ACOXL: variants seen among roughly 807,000 people sequenced by gnomAD.
ACOXL encodes the protein acyl-CoA oxidase like.
Under a neutral mutation model 71.9 loss-of-function variants are expected in ACOXL, and 70 were observed. That is an observed-to-expected ratio of 0.97 (90% CI 0.80 to 1.19). The LOEUF (loss-of-function observed/expected upper bound fraction) is 1.19, where lower values mean the gene tolerates loss of function less well. Ranked by LOEUF, ACOXL falls within the 50% of genes most tolerant of loss-of-function variation. The pLI is 0.00. For missense variants in ACOXL, 703 were observed against 736.3 expected (o/e 0.95, Z 0.52); for synonymous variants, 253 against 281.6 (o/e 0.90, Z 1.02).
chr2:110,950,387 A>G lies in ACOXL; in HGVS notation c.1059+16745A>G, dbSNP rs1013372849. On this transcript the variant is annotated intron_variant, in intron 12 of 17. Coordinates refer to ENST00000439055, the MANE Select transcript of ACOXL (RefSeq NM_001142807.4). ...AAAAGAGAGATTGCTAAAATGACCC[A>G]GGGATAATCCATTTTATTTGGCAAC... 3.3e-5 allele frequency among the ~76,000 whole-genome samples: 5 copies of G among 152,234 alleles called. No homozygotes were observed. The South Asian group carries it at 1.0e-3, about 31-fold the overall frequency.
At chr2:111,005,633 C>T (rs190412207) in intron 14 of ACOXL, among the ~76,000 whole-genome samples, 5 of 152,240 alleles carry the variant, frequency 3.3e-5, no homozygotes, top group East Asian at 3.9e-4. Flanking sequence ...AGTTTTAGAC[C>T]GACAGTGTCT....
chr2:110,873,099 A>G (rs1695468338), intron 10 of ACOXL, among the ~76,000 whole-genome samples: 1 of 152,232 alleles, frequency 6.6e-6, no homozygotes, highest in Admixed American at 6.5e-5. Context: ...CCGTCACACA[A>G]AAACCCCAGG....
In ACOXL at chr2:110,766,170, C is replaced by T. The variant is rs1289194018; in HGVS notation, c.-22-2198C>T. On this transcript the variant is annotated intron_variant, in intron 1 of 17. Transcript: ENST00000439055. ...GGTATCTGTTGATTTCTTTATCATT[C>T]ATGTTGTGATGTTCCTTGTTGCTGT... 2.6e-5 allele frequency among the ~76,000 whole-genome samples: 4 copies of T among 152,046 alleles called. 1 individual carries two copies. The highest frequency in any genetic ancestry group is 2.1e-4 in the South Asian group (1 of 4,824).
chr2:110,738,577 C>T (rs1677149847), intron 1 of ACOXL, among the ~76,000 whole-genome samples: 2 of 152,222 alleles, frequency 1.3e-5, no homozygotes, highest in Non-Finnish European at 1.5e-5. Context: ...CTGACCCTTT[C>T]TGCACCTTGA....
At chr2:110,806,297 G>A (rs748127732) in intron 9 of ACOXL, among the ~76,000 whole-genome samples, 9 of 152,224 alleles carry the variant, frequency 5.9e-5, no homozygotes, top group South Asian at 2.1e-4. Flanking sequence ...GCCTGGCCTC[G>A]TGCCCGCCCG....
chr2:111,081,249 C>T (rs2067901530), intron 16 of ACOXL, among the ~76,000 whole-genome samples: 1 of 152,172 alleles, frequency 6.6e-6, no homozygotes, highest in Non-Finnish European at 1.5e-5. Context: ...TTGCAGATGA[C>T]ATGATTGTAT....
chr2:110,963,808 G>A, intron 12 of ACOXL: 2 of 1,530,784 alleles, frequency 1.3e-6, no homozygotes, highest in Non-Finnish European at 1.8e-6. Flanking sequence ...TCTTTAATTG[G>A]CAGGTGCTTT....
chr2:110,890,492 G>A (rs115351270), intron 10 of ACOXL, among the ~76,000 whole-genome samples: 60 of 152,272 alleles, frequency 3.9e-4, no homozygotes, highest in African/African-American at 1.4e-3. Flanking sequence ...TTTGTGTATG[G>A]TGTGAGGAAG....
At chr2:110,850,727 A>G (rs1455751291) in intron 10 of ACOXL, among the ~76,000 whole-genome samples, 1 of 152,200 alleles carries the variant, frequency 6.6e-6, no homozygotes, top group African/African-American at 2.4e-5. Context: ...TGGAAGGCGA[A>G]ATGGTACGGC....
chr2:110,854,068 T>C (rs1692948323), intron 10 of ACOXL, among the ~76,000 whole-genome samples: 1 of 152,028 alleles, frequency 6.6e-6, no homozygotes, highest in African/African-American at 2.4e-5. Flanking sequence ...CTAAGGGTGA[T>C]AAAGGAAGCA....
chr2:110,833,574 A>G (rs1036581034), intron 9 of ACOXL, among the ~76,000 whole-genome samples: 6 of 152,172 alleles, frequency 3.9e-5, no homozygotes, highest in Non-Finnish European at 7.3e-5. Flanking sequence ...GAGATACTGG[A>G]TAAAGGGTAC....
chr2:110,877,923 G>A (rs1377102731), intron 10 of ACOXL, among the ~76,000 whole-genome samples: 2 of 152,202 alleles, frequency 1.3e-5, no homozygotes, highest in African/African-American at 4.8e-5. Context: ...CCTTCTTCCT[G>A]AGCAGGTGCT....
chr2:110,887,229 T>G (rs1379477807), intron 10 of ACOXL: 1 of 197,032 alleles, frequency 5.1e-6, no homozygotes, highest in Non-Finnish European at 1.0e-5. Flanking sequence ...TCAAAATTCT[T>G]TTGTATAGGA....
chr2:110,950,386 C>A (rs1375818441), intron 12 of ACOXL, among the ~76,000 whole-genome samples: 1 of 152,134 alleles, frequency 6.6e-6, no homozygotes, highest in Admixed American at 6.5e-5. Context: ...TAAAATGACC[C>A]AGGGATAATC....
At position 110,991,529 on chromosome 2, in the gene ACOXL, A is replaced by G. The variant is rs181142585; in HGVS notation, c.1169+4312A>G. ...TTTGAATGAGATTATTGGTCCCTCA[A>G]ACCAAAAGTATTGAACTAGTTTCTA... On this transcript the variant is annotated intron_variant, in intron 13 of 17. Transcript: ENST00000439055. Among the ~76,000 whole-genome samples the G allele has an allele frequency of 2.1e-4, 32 of 152,106 alleles. No homozygotes were observed. The East Asian group carries it at 5.4e-3, about 26-fold the overall frequency.
intron 1 of ACOXL, among the ~76,000 whole-genome samples, chr2:110,742,462 T>C (rs1004644388): frequency 2.6e-5 from 4 of 152,226 alleles, no homozygotes; most frequent in African/African-American, 9.6e-5. Flanking sequence ...TATTGTTATA[T>C]TAATAACTTG....
intron 12 of ACOXL, among the ~76,000 whole-genome samples, chr2:110,964,515 G>T (rs2061842397): frequency 6.6e-6 from 1 of 152,072 alleles, no homozygotes; most frequent in Admixed American, 6.6e-5. Context: ...TTTGTCATTA[G>T]GCTGTTTCAT....
intron 1 of ACOXL, among the ~76,000 whole-genome samples, chr2:110,760,719 A>G (rs1230838669): frequency 6.6e-6 from 1 of 152,206 alleles, no homozygotes; most frequent in Admixed American, 6.5e-5. Flanking sequence ...ACCCGCAAGC[A>G]TGGTAGTCTG....
At position 110,836,316 on chromosome 2, in the gene ACOXL, C is replaced by T. The variant is rs376167478; in HGVS notation, c.754-5055C>T. Among the ~76,000 whole-genome samples, 9 of 152,324 alleles carry T rather than the reference C, an allele frequency of 5.9e-5. No individual in the cohort carries two copies. The East Asian group carries it at 1.5e-3, about 26-fold the overall frequency. ...CTGTGGATCACTTTCTTCCAGTCCT[C>T]ATGTCCTTGCTGCCAGCATCTCATG... On this transcript the variant is annotated intron_variant, in intron 9 of 17. Coordinates refer to ENST00000439055, the MANE Select transcript of ACOXL (RefSeq NM_001142807.4).
Sources: allele counts gnomAD v4.1 joint callset (sites outside exome capture counted in the v4.1 genomes callset), GRCh38; gene constraint gnomAD v4.1.1; transcripts MANE v1.5; gene names NCBI Gene and HGNC (gene_info 2026-07-23, HGNC 2026-07-21).